The following METTL21A variants were observed in gnomAD, a reference collection of about 807,000 sequenced individuals.
The protein encoded by METTL21A is protein N-lysine methyltransferase METTL21A.
METTL21A carries 22 observed loss-of-function variants against 20.9 expected under a neutral mutation model. That is an observed-to-expected ratio of 1.05 (90% CI 0.75 to 1.50). The LOEUF (loss-of-function observed/expected upper bound fraction) is 1.50. Among genes scored for constraint, METTL21A ranks in the 40% most tolerant of loss-of-function variants. METTL21A has a pLI of 0.00. For synonymous variants in METTL21A, 93 were observed against 102.0 expected (o/e 0.91, Z 0.53); for missense variants, 271 against 266.8 (o/e 1.02, Z -0.11).
intron 3 of METTL21A, chr2:207,598,341 A>G (rs954524822): frequency 3.3e-5 from 6 of 184,412 alleles, no homozygotes; most frequent in Admixed American, 6.2e-5. Flanking sequence ...TAGCTTTCCA[A>G]TATGCTGTAT....
intron 3 of METTL21A, among the ~76,000 whole-genome samples, chr2:207,593,962 G>A (rs2085601694): frequency 6.6e-6 from 1 of 151,986 alleles, no homozygotes; most frequent in African/African-American, 2.4e-5. Flanking sequence ...CAAGTGATCT[G>A]CCTGCCTCAG....
chr2:207,594,138 C>G (rs909828454), intron 3 of METTL21A, among the ~76,000 whole-genome samples: 6 of 152,254 alleles, frequency 3.9e-5, no homozygotes, highest in African/African-American at 1.4e-4. Context: ...AAAGAATTTA[C>G]TGGTTTAGAT....
chr2:207,615,856 G>A (rs901637554), intron 3 of METTL21A, among the ~76,000 whole-genome samples: 2 of 151,810 alleles, frequency 1.3e-5, no homozygotes, highest in Admixed American at 6.6e-5. Flanking sequence ...CTTCATAACA[G>A]CCTAAGGAGA....
downstream of METTL21A, among the ~76,000 whole-genome samples, chr2:207,604,499 A>C (rs2087725070): frequency 6.6e-6 from 1 of 151,820 alleles, no homozygotes; most frequent in Admixed American, 6.6e-5. Flanking sequence ...ATCTTTCTTA[A>C]GTGCAGTGAC....
At position 207,613,060 on chromosome 2, in the gene METTL21A, T is replaced by C. The variant is rs996666494; in HGVS notation, c.643A>G (p.Lys215Glu). The C allele has an allele frequency of 3.2e-6, 5 of 1,560,482 alleles. No homozygotes were observed. The African/African-American group carries it at 6.9e-5, about 21-fold the overall frequency. Residue 215 changes from lysine (K) to glutamate (E), a missense_variant, in exon 4 of 4, where the codon AAG becomes GAG. Lys to Glu is a moderately conservative substitution (Grantham distance 56, BLOSUM62 1). Transcript: ENST00000406927. ...ATTATAGCCAATTATAAGTCCTCCT[T>C]CTGGTTTCTCTTCTGTGCTTCGTAA...
chr2:207,598,010 C>G (rs1202513916), intron 3 of METTL21A: 1 of 181,518 alleles, frequency 5.5e-6, no homozygotes, highest in Non-Finnish European at 1.2e-5. Context: ...TTACTGTTGC[C>G]CATTGCACTT....
chr2:207,620,454 A>AAATAT (rs2090357312), intron 3 of METTL21A, among the ~76,000 whole-genome samples: 1 of 4,340 alleles, frequency 2.3e-4, no homozygotes, highest in Non-Finnish European at 4.1e-4. Context: ...AAAAATAAAT[A>AAATAT]AATAAAATAA....
downstream of METTL21A, among the ~76,000 whole-genome samples, chr2:207,605,618 G>A (rs2087955024): frequency 1.3e-5 from 2 of 152,164 alleles, no homozygotes; most frequent in South Asian, 2.1e-4. Flanking sequence ...CAAATATAAT[G>A]TATGTTCTCT....
At chr2:207,623,002 G>C (rs193013301) in intron 2 of METTL21A, among the ~76,000 whole-genome samples, 19 of 151,944 alleles carry the variant, frequency 1.3e-4, no homozygotes, top group African/African-American at 4.6e-4. Flanking sequence ...CTGCCTCCCA[G>C]GTTCAAGCGA....
intron 2 of METTL21A, among the ~76,000 whole-genome samples, chr2:207,623,142 G>C (rs902927133): frequency 6.6e-6 from 1 of 152,168 alleles, no homozygotes; most frequent in Non-Finnish European, 1.5e-5. Context: ...GACTTCAAGT[G>C]ATCTGCCCAC....
upstream of METTL21A, chr2:207,625,431 G>C (rs1575175305): frequency 6.6e-6 from 1 of 152,262 alleles, no homozygotes; most frequent in African/African-American, 2.4e-5. Flanking sequence ...GGTGCCCCCG[G>C]AGCTCACGGC....
At chr2:207,591,712 C>G (rs781516099) in intron 3 of METTL21A, among the ~76,000 whole-genome samples, 1 of 152,124 alleles carries the variant, frequency 6.6e-6, no homozygotes, top group Non-Finnish European at 1.5e-5. Context: ...GGATTACAGG[C>G]GTGAACCACC....
intron 3 of METTL21A, among the ~76,000 whole-genome samples, chr2:207,614,717 C>T (rs1396128145): frequency 6.6e-6 from 1 of 151,672 alleles, no homozygotes. Flanking sequence ...TTTTTTTGAA[C>T]CAATGTGGGT....
chr2:207,597,668 T>G (rs2086393064), intron 3 of METTL21A: 1 of 206,588 alleles, frequency 4.8e-6, no homozygotes, highest in East Asian at 7.4e-5. Flanking sequence ...TACTGAAAAT[T>G]TGTCCTTGGT....
intron 3 of METTL21A, among the ~76,000 whole-genome samples, chr2:207,586,034 G>GT (rs1252462806): frequency 1.3e-5 from 2 of 152,092 alleles, no homozygotes; most frequent in Non-Finnish European, 2.9e-5. Flanking sequence ...TACTAAAACA[G>GT]TTTATCCAAA....
At chr2:207,621,043 T>C (rs2090419670) in intron 3 of METTL21A, among the ~76,000 whole-genome samples, 1 of 152,210 alleles carries the variant, frequency 6.6e-6, no homozygotes, top group East Asian at 1.9e-4. Flanking sequence ...AGAATCTGCA[T>C]TTTAACAAGA....
intron 3 of METTL21A, chr2:207,599,874 A>G: frequency 5.1e-6 from 1 of 195,584 alleles, no homozygotes. Flanking sequence ...ATGTCATCAT[A>G]GGAATTTGTA....
chr2:207,601,490 C>G (rs995329484), intron 3 of METTL21A: 3 of 193,496 alleles, frequency 1.6e-5, no homozygotes, highest in African/African-American at 2.3e-5. Flanking sequence ...GGGCTCAAAC[C>G]TTGTTTTATT....
chr2:207,584,882 A>G (rs555702922), intron 3 of METTL21A, among the ~76,000 whole-genome samples: 1 of 152,036 alleles, frequency 6.6e-6, no homozygotes, highest in Non-Finnish European at 1.5e-5. Flanking sequence ...TTTTCTTAAC[A>G]TTATCTATCT....
Sources: gnomAD v4.1 joint callset for allele counts (sites outside exome capture counted in the v4.1 genomes callset) on GRCh38, gnomAD v4.1.1 for gene constraint, MANE v1.5 for transcripts, NCBI Gene and HGNC (gene_info 2026-07-23, HGNC 2026-07-21) for gene names.